Variants in CEP128 observed in about 807,000 individuals in gnomAD.
CEP128 encodes centrosomal protein 128.
Under a neutral mutation model 156.7 loss-of-function variants are expected in CEP128, and 132 were observed. That is an observed-to-expected ratio of 0.84 (90% CI 0.73 to 0.97). The LOEUF (loss-of-function observed/expected upper bound fraction) is 0.97. Ranked by LOEUF, CEP128 falls within the 50% of genes least tolerant of loss-of-function variation. The pLI is 0.00. For missense variants in CEP128, 1,252 were observed against 1,281.9 expected (o/e 0.98, Z 0.36); for synonymous variants, 469 against 448.9 (o/e 1.04, Z -0.57).
Position 80,777,926 on chromosome 14 carries a change from GT to G in CEP128, c.2331del (p.Lys777AsnfsTer2). ...ELTQNENENKKLKLKYQCLKD... is the reference protein window; with the variant it reads ...ELTQNENENKXLKLKYQCLKD... ...TTCAAACATTGATATTTTAGCTTCA[GT>G]TTTTTGTTCTCATTTTCATTCTGGG... On this transcript the variant is annotated frameshift_variant, in exon 16 of 25. Coordinates refer to ENST00000555265, the MANE Select transcript of CEP128 (RefSeq NM_152446.5). LOFTEE classifies it high-confidence loss of function. The G allele has an allele frequency of 1.2e-6, 2 of 1,611,924 alleles. No individual in the cohort carries two copies. The highest frequency in any genetic ancestry group is 2.7e-5 in the African/African-American group (2 of 74,924).
intron 7 of CEP128, among the ~76,000 whole-genome samples, chr14:80,897,023 G>A (rs1234438509): frequency 1.3e-5 from 2 of 152,100 alleles, no homozygotes; most frequent in African/African-American, 4.8e-5. Flanking sequence ...TCAAAAAGAA[G>A]TTACCTTAAA....
At chr14:80,505,160 T>C (rs1887915558) in intron 23 of CEP128, 140 bp from the exon 24 acceptor site, 2 of 354,996 alleles carry the variant, frequency 5.6e-6, no homozygotes, top group African/African-American at 2.1e-5. Flanking sequence ...ATAATCACTG[T>C]AAAAATAAAA....
chr14:80,880,995 A>C (rs931675425), intron 8 of CEP128, among the ~76,000 whole-genome samples: 1 of 149,936 alleles, frequency 6.7e-6, no homozygotes, highest in African/African-American at 2.4e-5. Context: ...TCAGGAAAAC[A>C]GTTCCATTTA....
At chr14:80,699,165 G>A (rs931511741) in intron 19 of CEP128, among the ~76,000 whole-genome samples, 1 of 152,156 alleles carries the variant, frequency 6.6e-6, no homozygotes, top group Non-Finnish European at 1.5e-5. Context: ...ATGCCTTAGG[G>A]ATACGTCAGC....
intron 8 of CEP128, among the ~76,000 whole-genome samples, chr14:80,879,183 G>A (rs1183576081): frequency 6.6e-6 from 1 of 152,108 alleles, no homozygotes; most frequent in Non-Finnish European, 1.5e-5. Context: ...AGGCCCATCT[G>A]CAGCTAAATG....
intron 15 of CEP128, among the ~76,000 whole-genome samples, chr14:80,781,553 T>C (rs1381337739): frequency 1.3e-5 from 2 of 150,868 alleles, no homozygotes; most frequent in Non-Finnish European, 2.9e-5. Flanking sequence ...ACAGAGACAG[T>C]AAATAATTAA....
At chr14:80,821,185 T>C (rs549215310) in intron 13 of CEP128, among the ~76,000 whole-genome samples, 2 of 152,350 alleles carry the variant, frequency 1.3e-5, no homozygotes, top group South Asian at 4.1e-4. Flanking sequence ...TCTCATTTCC[T>C]TATGCCCTTA....
At chr14:80,721,327 G>C (rs1346680975) in intron 19 of CEP128, among the ~76,000 whole-genome samples, 1 of 152,046 alleles carries the variant, frequency 6.6e-6, no homozygotes, top group Non-Finnish European at 1.5e-5. Context: ...ACCAAAAAAT[G>C]GCCAGTATAA....
chr14:80,926,139 C>A (rs116875278), intron 2 of CEP128, among the ~76,000 whole-genome samples: 7,410 of 152,168 alleles, frequency 0.049, 214 homozygotes, highest in Middle Eastern at 0.072. Context: ...TGGTCAGAAC[C>A]GAGGGGTGGG....
At chr14:80,854,252 G>A (rs564124191) in intron 9 of CEP128, among the ~76,000 whole-genome samples, 3 of 152,038 alleles carry the variant, frequency 2.0e-5, no homozygotes, top group East Asian at 1.9e-4. Flanking sequence ...GCAGAACAAC[G>A]TGCAGTTTCA....
chr14:80,629,418 A>G (rs1893870861), intron 19 of CEP128, among the ~76,000 whole-genome samples: 1 of 152,074 alleles, frequency 6.6e-6, no homozygotes, highest in Admixed American at 6.5e-5. Flanking sequence ...TTATGTATTT[A>G]TTTATATTTC....
At chr14:80,790,013 T>C (rs1901622036) in intron 14 of CEP128, among the ~76,000 whole-genome samples, 1 of 152,138 alleles carries the variant, frequency 6.6e-6, no homozygotes, top group Non-Finnish European at 1.5e-5. Context: ...TCATATACTT[T>C]GGCACTGATC....
At chr14:80,895,663 G>T in intron 8 of CEP128, 55 bp downstream of exon 8, 3 of 1,255,024 alleles carry the variant, frequency 2.4e-6, no homozygotes, top group Non-Finnish European at 2.2e-6. Context: ...ATTATGACCA[G>T]CCTACCCATC....
At chr14:80,546,765 AT>A (rs1890003291) in intron 21 of CEP128, among the ~76,000 whole-genome samples, 1 of 152,174 alleles carries the variant, frequency 6.6e-6, no homozygotes, top group African/African-American at 2.4e-5. Flanking sequence ...CCAGAAAATC[AT>A]TTATGGAAGA....
chr14:80,802,121 C>G (rs376558195), intron 13 of CEP128, among the ~76,000 whole-genome samples: 1 of 151,950 alleles, frequency 6.6e-6, no homozygotes, highest in Admixed American at 6.6e-5. Context: ...TTGTGGAAGA[C>G]AGTAGGGTGA....
In CEP128 at chr14:80,559,254, G is replaced by A. The variant is rs368918931; in HGVS notation, c.2880+25C>T. On this transcript the variant is annotated intron_variant, in intron 21 of 24. Transcript: ENST00000555265. The stretch of plus-strand genomic sequence containing the variant: ...GGAGACAGCAGTAATTCTGATAAAA[G>A]GAGAAAGAAAATGCCCCAACTTACC... 3.1e-6 allele frequency: 5 copies of A among 1,598,726 alleles called. No homozygotes were observed. The African/African-American group carries it at 6.7e-5, about 21-fold the overall frequency.
intron 19 of CEP128, among the ~76,000 whole-genome samples, chr14:80,615,574 C>T (rs1221836034): frequency 6.6e-6 from 1 of 152,186 alleles, no homozygotes; most frequent in East Asian, 1.9e-4. Flanking sequence ...GACAACACAA[C>T]TCCAAGAATA....
At chr14:80,906,445 C>A (rs1475546442) in intron 4 of CEP128, among the ~76,000 whole-genome samples, 1 of 152,152 alleles carries the variant, frequency 6.6e-6, no homozygotes, top group Admixed American at 6.5e-5. Context: ...AGACAGAAAG[C>A]TTTCCTCCCT....
intron 2 of CEP128, among the ~76,000 whole-genome samples, chr14:80,935,982 C>G (rs746892063): frequency 3.3e-5 from 5 of 152,194 alleles, no homozygotes; most frequent in Non-Finnish European, 7.3e-5. Flanking sequence ...ACACAGACAT[C>G]TCTATTCCAT....
Sources: allele counts gnomAD v4.1 joint callset (sites outside exome capture counted in the v4.1 genomes callset), GRCh38; gene constraint gnomAD v4.1.1; transcripts MANE v1.5; gene names NCBI Gene and HGNC (gene_info 2026-07-23, HGNC 2026-07-21).